Variants in SOX5 observed in about 807,000 individuals in gnomAD.
The protein encoded by SOX5 is transcription factor SOX-5.
A neutral mutation model predicts 92.0 loss-of-function variants in SOX5; 9 were observed. The observed-to-expected ratio is 0.10, with a 90% CI of 0.06 to 0.17. The LOEUF is 0.17. Ranked by LOEUF, SOX5 falls within the 10% of genes least tolerant of loss-of-function variation. The pLI is 1.00. For missense variants in SOX5, 642 were observed against 944.5 expected (o/e 0.68, Z 4.20); for synonymous variants, 344 against 336.3 (o/e 1.02, Z -0.25).
At chr12:23,825,600 G>A (rs2096216220) in intron 3 of SOX5, among the ~76,000 whole-genome samples, 1 of 152,130 alleles carries the variant, frequency 6.6e-6, no homozygotes. Flanking sequence ...AAAAATTTCG[G>A]AGATCCGACA....
intron 3 of SOX5, among the ~76,000 whole-genome samples, chr12:23,771,980 G>A (rs1658205218): frequency 1.3e-5 from 2 of 152,282 alleles, no homozygotes; most frequent in South Asian, 4.1e-4. Context: ...ATAGAAATAT[G>A]TGCCTTCTTC....
At chr12:23,973,160 C>CTTTTTTTT (rs60609193) in intron 4 of SOX5, among the ~76,000 whole-genome samples, 3 of 111,998 alleles carry the variant, frequency 2.7e-5, no homozygotes, top group Non-Finnish European at 3.6e-5. Context: ...TAACTTTTTT[C>CTTTTTTTT]TTTTTTTTTT....
intron 4 of SOX5, among the ~76,000 whole-genome samples, chr12:23,996,213 T>C (rs60601343): frequency 0.022 from 3,411 of 152,252 alleles, 116 homozygotes; most frequent in African/African-American, 0.079. Context: ...TACATGATTC[T>C]AGCTTAAAAT....
At chr12:24,016,410 A>G (rs1229656120) in intron 4 of SOX5, among the ~76,000 whole-genome samples, 1 of 152,178 alleles carries the variant, frequency 6.6e-6, no homozygotes, top group Admixed American at 6.5e-5. Flanking sequence ...CTTGAGAACT[A>G]ATGGTCCCAG....
At chr12:23,771,255 A>G (rs1414342550) in intron 3 of SOX5, among the ~76,000 whole-genome samples, 1 of 151,940 alleles carries the variant, frequency 6.6e-6, no homozygotes, top group Non-Finnish European at 1.5e-5. Flanking sequence ...GAGAAAAGCT[A>G]CAGTAAGCCC....
At chr12:23,943,947 A>G (rs903213842) in intron 1 of SOX5, among the ~76,000 whole-genome samples, 1 of 152,152 alleles carries the variant, frequency 6.6e-6, no homozygotes, top group Non-Finnish European at 1.5e-5. Flanking sequence ...TAACAAGTTT[A>G]TCAACAAACC....
At chr12:23,719,807 A>AAAAAAAAAAAAAAAAC (rs1567209060) in intron 6 of SOX5, among the ~76,000 whole-genome samples, 2 of 140,742 alleles carry the variant, frequency 1.4e-5, no homozygotes, top group Non-Finnish European at 3.1e-5. Context: ...AAAAAAAAAA[A>AAAAAAAAAAAAAAAAC]AAAACTGATG....
chr12:23,564,152 T>C (rs1032618945), intron 10 of SOX5, among the ~76,000 whole-genome samples: 6 of 152,174 alleles, frequency 3.9e-5, no homozygotes, highest in African/African-American at 1.4e-4. Context: ...CCACAGTCCA[T>C]GGTTAGTAAT....
In SOX5 at chr12:23,805,447, G is replaced by T. The variant is rs116937039; in HGVS notation, c.481+40536C>A. On this transcript the variant is annotated intron_variant, in intron 3 of 14. Coordinates refer to ENST00000451604, the MANE Select transcript of SOX5 (RefSeq NM_006940.6). The stretch of plus-strand genomic sequence containing the variant: ...CGCAATGCCTGAAAAAAAAACATAT[G>T]CTCAATAAATGTTATCTACTGTTAT... 1.8e-3 allele frequency among the ~76,000 whole-genome samples: 274 copies of T among 151,876 alleles called. 4 individuals carry two copies. The East Asian group carries it at 0.043, about 24-fold the overall frequency.
At chr12:24,016,520 T>C (rs959728496) in intron 4 of SOX5, among the ~76,000 whole-genome samples, 2 of 151,974 alleles carry the variant, frequency 1.3e-5, no homozygotes, top group African/African-American at 4.8e-5. Context: ...ACAAGACAAC[T>C]AGATCCCCTC....
chr12:24,234,981 TCA>T (rs1964162793), intron 3 of SOX5, among the ~76,000 whole-genome samples: 1 of 152,148 alleles, frequency 6.6e-6, no homozygotes, highest in Non-Finnish European at 1.5e-5. Context: ...AACCCAAATG[TCA>T]ACAGTGCTGA....
rs542425117 is a variant in SOX5 at position 23,854,307 on chromosome 12, T to C, written c.271-8114A>G. On this transcript the variant is annotated intron_variant, in intron 2 of 14. Transcript: ENST00000451604. ...TGTCTTCACTAATAAATAAAATAGA[T>C]TGTGGTCCTCCCATGCAGTAAAATA... Among the ~76,000 whole-genome samples the C allele has an allele frequency of 8.5e-5, 13 of 152,208 alleles. No individual in the cohort carries two copies. The East Asian group carries it at 2.3e-3, about 27-fold the overall frequency.
At chr12:24,536,080 A>T (rs1268309817) in intron 1 of SOX5, among the ~76,000 whole-genome samples, 2 of 152,190 alleles carry the variant, frequency 1.3e-5, no homozygotes, top group African/African-American at 4.8e-5. Flanking sequence ...CCAAATTATT[A>T]TTATAGGTTA....
chr12:24,184,267 AC>A (rs1955805460), intron 4 of SOX5, among the ~76,000 whole-genome samples: 1 of 152,160 alleles, frequency 6.6e-6, no homozygotes, highest in African/African-American at 2.4e-5. Context: ...CAACAACAAA[AC>A]TAAGGTTGTA....
chr12:24,068,998 A>G (rs981388042), intron 4 of SOX5, among the ~76,000 whole-genome samples: 3 of 151,756 alleles, frequency 2.0e-5, no homozygotes, highest in Admixed American at 2.0e-4. Context: ...GGGAAAAAAA[A>G]AAAAAGTTGA....
chr12:24,141,394 G>A (rs1438681488), intron 4 of SOX5, among the ~76,000 whole-genome samples: 11 of 152,200 alleles, frequency 7.2e-5, no homozygotes. Flanking sequence ...ATATTGACAG[G>A]AAGTTAGAAG....
chr12:23,630,472 C>A (rs988219670), intron 8 of SOX5, among the ~76,000 whole-genome samples: 1 of 151,908 alleles, frequency 6.6e-6, no homozygotes. Context: ...TATTAACACA[C>A]TTTAGTGCTG....
At chr12:24,113,083 G>A (rs539693002) in intron 4 of SOX5, among the ~76,000 whole-genome samples, 10 of 151,452 alleles carry the variant, frequency 6.6e-5, no homozygotes, top group African/African-American at 1.9e-4. Flanking sequence ...AGCTGTTCAG[G>A]TGCTTATTTA....
intron 2 of SOX5, among the ~76,000 whole-genome samples, chr12:24,280,095 AT>A (rs1441846962): frequency 2.6e-5 from 4 of 152,190 alleles, no homozygotes; most frequent in African/African-American, 7.2e-5. Context: ...GACATAAAAA[AT>A]ATATTCATTT....
Sources: gnomAD v4.1 joint callset for allele counts (sites outside exome capture counted in the v4.1 genomes callset) on GRCh38, gnomAD v4.1.1 for gene constraint, MANE v1.5 for transcripts, NCBI Gene and HGNC (gene_info 2026-07-23, HGNC 2026-07-21) for gene names.